The following NHS variants were observed in gnomAD, a reference collection of about 807,000 sequenced individuals.
NHS encodes the protein actin remodeling regulator NHS.
Under a neutral mutation model 72.5 loss-of-function variants are expected in NHS, and 5 were observed. The observed-to-expected ratio is 0.07, with a 90% CI of 0.04 to 0.14. The LOEUF (loss-of-function observed/expected upper bound fraction) is 0.14, where lower values mean the gene tolerates loss of function less well. Among genes scored for constraint, NHS ranks in the 10% least tolerant of loss-of-function variants. NHS has a pLI of 1.00. For missense variants in NHS, 1,072 were observed against 1,355.7 expected (o/e 0.79, Z 3.29); for synonymous variants, 464 against 547.7 (o/e 0.85, Z 2.13).
chrX:17,689,024 T>C (rs1213805801), intron 2 of NHS, among the ~76,000 whole-genome samples: 1 of 112,387 alleles, frequency 8.9e-6, no homozygotes, highest in Non-Finnish European at 1.9e-5. Flanking sequence ...TTTTAAGAAA[T>C]GGCATTTTGC....
intron 1 of NHS, among the ~76,000 whole-genome samples, chrX:17,452,689 A>G (rs1184448718): frequency 9.0e-6 from 1 of 110,918 alleles, no homozygotes; most frequent in Non-Finnish European, 1.9e-5. Flanking sequence ...AAAAATTATT[A>G]TTTTCAAGCC....
intron 1 of NHS, among the ~76,000 whole-genome samples, chrX:17,644,577 G>A (rs1022446117): frequency 2.5e-4 from 28 of 111,166 alleles, no homozygotes; most frequent in African/African-American, 8.9e-4. Context: ...TTTAGTGGAT[G>A]GTAGTGCTTC....
chrX:17,692,275 G>A, intron 2 of NHS, 60 bp from the exon 3 acceptor site: 1 of 1,194,539 alleles, frequency 8.4e-7, no homozygotes, highest in Non-Finnish European at 1.1e-6. Context: ...CTCCCAAGGG[G>A]AAAAGAGAAA....
At position 17,726,446 on chromosome X, in the gene NHS, C is replaced by T. The variant is rs1210748800; in HGVS notation, c.2340C>T (p.Asp780=). The change falls in exon 7 of 9, where the codon GAC becomes GAT. Residue 780 remains aspartate, a synonymous_variant. Transcript: ENST00000676302. ...ACACTAGCTCTCACTTTTCAGTAGA[C>T]ACGGAAGGATACTATACCTCCATGC... ...KADTSSHFSV[D]TEGYYTSMHF... The T allele has an allele frequency of 2.5e-6, 3 of 1,211,996 alleles. No homozygotes were observed. Among genetic ancestry groups the T allele is most frequent in the Middle Eastern group, 2.3e-4 (1 of 4,356 alleles).
At chrX:17,605,199 A>G (rs2065673082) in intron 1 of NHS, among the ~76,000 whole-genome samples, 2 of 112,245 alleles carry the variant, frequency 1.8e-5, no homozygotes, top group African/African-American at 6.5e-5. Context: ...ACTTTTAAAT[A>G]TGAATTAGAA....
chrX:17,455,330 C>A (rs948035173), intron 1 of NHS, among the ~76,000 whole-genome samples: 1 of 111,951 alleles, frequency 8.9e-6, no homozygotes, highest in Non-Finnish European at 1.9e-5. Context: ...TCTCCTCCTC[C>A]TCATCATCAT....
At chrX:17,714,884 G>C (rs1165744986) in intron 3 of NHS, among the ~76,000 whole-genome samples, 1 of 112,059 alleles carries the variant, frequency 8.9e-6, no homozygotes, top group Non-Finnish European at 1.9e-5. Flanking sequence ...GTATTTCTTA[G>C]ATAATTTAGA....
chrX:17,518,293 G>C (rs2065130190), intron 1 of NHS, among the ~76,000 whole-genome samples: 1 of 112,272 alleles, frequency 8.9e-6, no homozygotes, highest in African/African-American at 3.2e-5. Flanking sequence ...GTTCAACAGA[G>C]CAAAGATGGG....
rs73636663 is a variant in NHS, at chrX:17,646,108, A to C, written c.566-41634A>C. On this transcript the variant is annotated intron_variant, in intron 1 of 8. Transcript: ENST00000676302. ...CTGGGATTAGCCACCATGCCCAGCT[A>C]ATTTTTTATTTTCTGTAGGAACAGA... 6.8e-3 allele frequency among the ~76,000 whole-genome samples: 757 copies of C among 110,582 alleles called. 6 individuals carry two copies. Among genetic ancestry groups the C allele is most frequent in the African/African-American group, 0.024 (734 of 30,338 alleles).
At chrX:17,388,543 C>A (rs1488926752) in intron 1 of NHS, among the ~76,000 whole-genome samples, 1 of 109,850 alleles carries the variant, frequency 9.1e-6, no homozygotes, top group African/African-American at 3.3e-5. Context: ...TGAGAGCATG[C>A]CTGGTGTGAT....
intron 1 of NHS, among the ~76,000 whole-genome samples, chrX:17,642,910 G>C (rs1039300535): frequency 1.8e-5 from 2 of 112,397 alleles, no homozygotes; most frequent in African/African-American, 6.5e-5. Context: ...TTTAAGTTTA[G>C]TAGTTAATAT....
intron 1 of NHS, among the ~76,000 whole-genome samples, chrX:17,400,750 T>C: frequency 8.9e-6 from 1 of 112,023 alleles, no homozygotes; most frequent in East Asian, 2.8e-4. Flanking sequence ...ATTAAATAAA[T>C]AGAAAGACAT....
chrX:17,709,663 G>A (rs1006608887), intron 3 of NHS, among the ~76,000 whole-genome samples: 1 of 111,786 alleles, frequency 8.9e-6, no homozygotes, highest in Non-Finnish European at 1.9e-5. Flanking sequence ...AGGGCTGGAG[G>A]AATGGAAGGA....
intron 1 of NHS, among the ~76,000 whole-genome samples, chrX:17,512,861 T>C (rs2065097096): frequency 2.7e-5 from 3 of 111,841 alleles, no homozygotes; most frequent in Admixed American, 1.9e-4. Flanking sequence ...TTTCTCCTGT[T>C]GAACAAGGCT....
At chrX:17,381,098 A>T (rs758697998) in intron 1 of NHS, among the ~76,000 whole-genome samples, 1 of 110,893 alleles carries the variant, frequency 9.0e-6, no homozygotes, top group East Asian at 2.8e-4. Flanking sequence ...GTATATTGGG[A>T]TGATCTTACT....
In NHS at chrX:17,727,152, G is replaced by A; in HGVS notation, c.3046G>A (p.Ala1016Thr). 1 of 1,211,666 alleles carries A rather than the reference G, an allele frequency of 8.3e-7. No homozygotes were observed. Among genetic ancestry groups the A allele is most frequent in the Non-Finnish European group, 1.1e-6 (1 of 895,477 alleles). The stretch of plus-strand genomic sequence containing the variant: ...TAAACTGGCTTCACCAGAAAAGCTG[G>A]CTGGCTTGGCATCTCCATCAAGTGG... ...EFKLASPEKL[A>T]GLASPSSGYS... is the part of the protein sequence containing the mutation. The change falls in exon 7 of 9, where the codon GCT (alanine) becomes ACT (threonine). Residue 1016 changes from alanine to threonine, a missense_variant. Ala to Thr is a moderately conservative substitution (Grantham distance 58). Coordinates refer to ENST00000676302, the MANE Select transcript of NHS (RefSeq NM_001291867.2).
At chrX:17,729,937 A>G (rs1301508308) in intron 8 of NHS, among the ~76,000 whole-genome samples, 2 of 112,256 alleles carry the variant, frequency 1.8e-5, no homozygotes, top group Non-Finnish European at 3.8e-5. Flanking sequence ...TTTTATAGGA[A>G]TTTCTGTTTT....
At position 17,601,816 on chromosome X, in the gene NHS, C is replaced by T. The variant is rs762471386; in HGVS notation, c.566-85926C>T. ...CTGTTCACTGGTGCTTCATTCGATC[C>T]CACCCTCGATACTCTGGGAAACACT... On this transcript the variant is annotated intron_variant, in intron 1 of 8. Transcript: ENST00000676302. 6.3e-5 allele frequency among the ~76,000 whole-genome samples: 7 copies of T among 111,590 alleles called. No homozygotes were observed. In the East Asian group the frequency reaches 2.0e-3, roughly 31 times the overall value.
At chrX:17,470,176 G>A (rs983602414) in intron 1 of NHS, among the ~76,000 whole-genome samples, 5 of 110,260 alleles carry the variant, frequency 4.5e-5, no homozygotes, top group African/African-American at 1.7e-4. Flanking sequence ...CTGAGGGGGT[G>A]AAGCAGCTAA....
Sources: gnomAD v4.1 joint callset for allele counts (sites outside exome capture counted in the v4.1 genomes callset) on GRCh38, gnomAD v4.1.1 for gene constraint, MANE v1.5 for transcripts, NCBI Gene and HGNC (gene_info 2026-07-23, HGNC 2026-07-21) for gene names.